Variants in LYRM4 observed in about 807,000 individuals in gnomAD.
LYRM4 encodes the protein LYR motif containing 4, also known as LYR motif-containing protein 4.
Under a neutral mutation model 11.7 loss-of-function variants are expected in LYRM4, and 9 were observed. That is an observed-to-expected ratio of 0.77 (90% CI 0.46 to 1.34). The LOEUF (loss-of-function observed/expected upper bound fraction) is 1.34. LYRM4 is among the 40% of genes most tolerant of loss of function. The pLI is 0.00. For synonymous variants in LYRM4, 42 were observed against 40.4 expected (o/e 1.04, Z -0.15); for missense variants, 133 against 112.5 (o/e 1.18, Z -0.82).
At chr6:5,136,337 C>G in intron 2 of LYRM4, 1 of 985,430 alleles carries the variant, frequency 1.0e-6, no homozygotes, top group Non-Finnish European at 1.2e-6. Context: ...AACTTGTCCC[C>G]TTTCCTGCTG....
intron 1 of LYRM4, among the ~76,000 whole-genome samples, chr6:5,222,613 C>G (rs1405247518): frequency 1.3e-5 from 2 of 151,904 alleles, no homozygotes; most frequent in African/African-American, 4.8e-5. Context: ...TTCACATGCC[C>G]TTAGGTTTGT....
the LYRM4 span, among the ~76,000 whole-genome samples, chr6:5,076,580 C>A: frequency 1.3e-5 from 2 of 152,180 alleles, no homozygotes; most frequent in African/African-American, 4.8e-5. Flanking sequence ...TCATCCCACA[C>A]AATAGGAGGT....
the LYRM4 span, among the ~76,000 whole-genome samples, chr6:5,068,204 C>T: frequency 5.9e-5 from 9 of 152,250 alleles, no homozygotes; most frequent in East Asian, 1.2e-3. This position sits in a 1 kb window ranked among gnomAD's most constrained non-coding sequence, Gnocchi z 4.0. Context: ...GTCTATTCAC[C>T]GTCACACTGT....
chr6:5,142,056 C>T (rs567418496), intron 2 of LYRM4, among the ~76,000 whole-genome samples: 12 of 152,178 alleles, frequency 7.9e-5, no homozygotes, highest in South Asian at 4.2e-4. Flanking sequence ...ATAAGGAAAC[C>T]GGTGTGGCAG....
At chr6:5,136,220 TC>T in intron 2 of LYRM4, 20 of 926,524 alleles carry the variant, frequency 2.2e-5, no homozygotes, top group Non-Finnish European at 2.6e-5. Context: ...TCCTTTTGAG[TC>T]CCTGCTTTCA....
At chr6:5,206,874 CCA>C in intron 2 of LYRM4, among the ~76,000 whole-genome samples, 1 of 3,530 alleles carries the variant, frequency 2.8e-4, no homozygotes, top group East Asian at 0.033. Context: ...ACTGACCAAT[CCA>C]TGTAACTGAC....
chr6:5,237,814 C>T (rs915575950), intron 1 of LYRM4, among the ~76,000 whole-genome samples: 1 of 152,194 alleles, frequency 6.6e-6, no homozygotes, highest in Non-Finnish European at 1.5e-5. Context: ...TGACAGGATG[C>T]CAGAAGCACA....
downstream of LYRM4, among the ~76,000 whole-genome samples, chr6:5,099,281 C>T (rs1368031386): frequency 2.0e-5 from 3 of 151,760 alleles, no homozygotes; most frequent in African/African-American, 7.3e-5. This position sits in a 1 kb window ranked among gnomAD's most constrained non-coding sequence, Gnocchi z 4.3. Flanking sequence ...CGGCTCACTG[C>T]AACCTCCACC....
the LYRM4 span, among the ~76,000 whole-genome samples, chr6:5,096,070 G>C: frequency 6.6e-6 from 1 of 152,184 alleles, no homozygotes; most frequent in South Asian, 2.1e-4. Flanking sequence ...CTATGATTAC[G>C]GAAGACATTT....
intron 2 of LYRM4, among the ~76,000 whole-genome samples, chr6:5,158,825 C>T (rs891255365): frequency 9.2e-5 from 14 of 152,080 alleles, no homozygotes; most frequent in Non-Finnish European, 2.1e-4. Context: ...AGAGTGGCAG[C>T]CATTGCCTTT....
At chr6:5,238,673 A>G (rs989873658) in intron 1 of LYRM4, among the ~76,000 whole-genome samples, 1 of 152,226 alleles carries the variant, frequency 6.6e-6, no homozygotes, top group African/African-American at 2.4e-5. Flanking sequence ...GAACAATAAA[A>G]TGTTAATTTT....
At position 5,234,612 on chromosome 6, in the gene LYRM4, C is replaced by T. The variant is rs533979734; in HGVS notation, c.87-17874G>A. On this transcript the variant is annotated intron_variant, in intron 1 of 2. Coordinates refer to ENST00000330636, the MANE Select transcript of LYRM4 (RefSeq NM_020408.6). The stretch of plus-strand genomic sequence containing the variant: ...CACCAGAGGGAAAGCCTTTCTGCAA[C>T]GGCAGGCTAATAATAAATATAGAAT... 2.2e-4 allele frequency among the ~76,000 whole-genome samples: 33 copies of T among 152,120 alleles called. No homozygotes were observed. In the South Asian group the frequency reaches 5.6e-3, roughly 26 times the overall value.
At chr6:5,144,434 G>C (rs1757584500) in intron 2 of LYRM4, among the ~76,000 whole-genome samples, 1 of 151,750 alleles carries the variant, frequency 6.6e-6, no homozygotes, top group Admixed American at 6.6e-5. Flanking sequence ...TCAGGAGATC[G>C]AGACCATCCT....
At chr6:5,121,987 G>T (rs564061088) in intron 2 of LYRM4, among the ~76,000 whole-genome samples, 1 of 152,184 alleles carries the variant, frequency 6.6e-6, no homozygotes, top group African/African-American at 2.4e-5. Context: ...GGGCAATCAG[G>T]CTGCCTGTTG....
At chr6:5,195,590 C>T (rs1368614068) in intron 2 of LYRM4, among the ~76,000 whole-genome samples, 5 of 152,246 alleles carry the variant, frequency 3.3e-5, no homozygotes, top group South Asian at 2.1e-4. Context: ...GCTGAGATAG[C>T]GCCACTGCAC....
intron 1 of LYRM4, among the ~76,000 whole-genome samples, chr6:5,230,260 T>C (rs1482132138): frequency 6.6e-6 from 1 of 152,258 alleles, no homozygotes; most frequent in Non-Finnish European, 1.5e-5. Context: ...ATGCTTCATT[T>C]GTGGAGTCCT....
intron 1 of LYRM4, among the ~76,000 whole-genome samples, chr6:5,244,697 C>T (rs1037433951): frequency 7.2e-5 from 11 of 152,044 alleles, no homozygotes; most frequent in South Asian, 4.2e-4. Flanking sequence ...CATGAGGCAC[C>T]GAGAGGGCCA....
intron 2 of LYRM4, among the ~76,000 whole-genome samples, chr6:5,164,967 C>CAA (rs34814956): frequency 0.012 from 1,223 of 103,482 alleles, 33 homozygotes; most frequent in South Asian, 0.017. Context: ...GACTGTGTCT[C>CAA]AAAAAAAAAA....
At chr6:5,071,453 T>G in the LYRM4 span, among the ~76,000 whole-genome samples, 1 of 152,114 alleles carries the variant, frequency 6.6e-6, no homozygotes, top group Non-Finnish European at 1.5e-5. Flanking sequence ...GGGCTGGGAC[T>G]CCGGTGGGGT....
Sources: allele counts gnomAD v4.1 joint callset (sites outside exome capture counted in the v4.1 genomes callset), GRCh38; gene constraint gnomAD v4.1.1; non-coding constraint Gnocchi (gnomAD v3.1); transcripts MANE v1.5; gene names NCBI Gene and HGNC (gene_info 2026-07-23, HGNC 2026-07-21).